ZCCHC2: variants seen among roughly 807,000 people sequenced by gnomAD.
The protein encoded by ZCCHC2 is zinc finger CCHC domain-containing protein 2.
ZCCHC2 carries 39 observed loss-of-function variants against 103.6 expected under a neutral mutation model. The ratio of observed to expected loss-of-function variants is 0.38; its 90% confidence interval spans 0.29 to 0.49. ZCCHC2 has a LOEUF of 0.49. Ranked by LOEUF, ZCCHC2 falls within the 20% of genes least tolerant of loss-of-function variation. ZCCHC2 has a pLI of 0.96. For synonymous variants in ZCCHC2, 687 were observed against 608.9 expected, an observed-to-expected ratio of 1.13 and a Z score of -1.89; for missense variants, 1,483 against 1,491.0, an observed-to-expected ratio of 0.99 and a Z score of 0.09.
chr18:62,542,642 C>A, intron 3 of ZCCHC2, 68 bp downstream of exon 3: 2 of 1,367,980 alleles, frequency 1.5e-6, no homozygotes, highest in South Asian at 1.3e-5. Flanking sequence ...AAACTTGTGG[C>A]AGGTTTGCTA....
intron 11 of ZCCHC2, among the ~76,000 whole-genome samples, chr18:62,568,209 T>C (rs1293075174): frequency 1.3e-5 from 2 of 152,150 alleles, no homozygotes; most frequent in African/African-American, 4.8e-5. Flanking sequence ...TTCCAGTATT[T>C]TTAGTGTTAG....
At chr18:62,544,937 C>A (rs551626492) in intron 4 of ZCCHC2, 64 bp downstream of exon 4, 1 of 1,312,724 alleles carries the variant, frequency 7.6e-7, no homozygotes. Context: ...GAAACCTCAA[C>A]GTCAAAAAAA....
chr18:62,551,075 TG>T (rs1416350922), intron 5 of ZCCHC2: 1 of 152,224 alleles, frequency 6.6e-6, no homozygotes, highest in East Asian at 1.9e-4. Context: ...GGGATGAGTG[TG>T]GATGTAGGGA....
intron 2 of ZCCHC2, among the ~76,000 whole-genome samples, chr18:62,541,899 CTG>C (rs1451865517): frequency 6.6e-6 from 1 of 152,052 alleles, no homozygotes; most frequent in African/African-American, 2.4e-5. Flanking sequence ...TATTTTATCT[CTG>C]TAATGTAAAA....
chr18:62,582,083 A>G (rs1283061715), downstream of ZCCHC2, among the ~76,000 whole-genome samples: 1 of 152,266 alleles, frequency 6.6e-6, no homozygotes, highest in African/African-American at 2.4e-5. Flanking sequence ...ATTTGTGGGT[A>G]CAGTAGATAA....
intron 4 of ZCCHC2, among the ~76,000 whole-genome samples, chr18:62,545,396 A>G (rs1020055053): frequency 2.6e-5 from 4 of 152,006 alleles, no homozygotes; most frequent in African/African-American, 9.7e-5. Flanking sequence ...ACTTCCCTGA[A>G]ATAGTTCTCC....
chr18:62,566,728 TC>T (rs1394560575), intron 11 of ZCCHC2, among the ~76,000 whole-genome samples: 3 of 152,184 alleles, frequency 2.0e-5, no homozygotes, highest in African/African-American at 7.2e-5. Context: ...AGTGTTGTGC[TC>T]CCCCAGTTTA....
rs1301814539 is a variant in ZCCHC2, at chr18:62,550,417, A to G, written c.1270A>G (p.Lys424Glu). 1 of 1,613,624 alleles carries G rather than the reference A, an allele frequency of 6.2e-7. No homozygotes were observed. The highest frequency in any genetic ancestry group is 1.3e-5 in the African/African-American group (1 of 74,904). ...AAGAGCCCTGAATCAGGGTTCCTTGAAAAGGGAGGAACGGCGACATCCTGA... is the reference window on the plus strand; with the variant it reads ...AAGAGCCCTGAATCAGGGTTCCTTGGAAAGGGAGGAACGGCGACATCCTGA... ...ILRALNQGSL[K>E]REERRHPDLE... Residue 424 changes from lysine (K) to glutamate (E), a missense_variant, in exon 5 of 14, where the codon AAA becomes GAA. Physicochemically the swap from Lys to Glu is moderately conservative, Grantham distance 56. Coordinates refer to ENST00000269499, the MANE Select transcript of ZCCHC2 (RefSeq NM_017742.6).
At chr18:62,532,639 C>T (rs980384866) in intron 1 of ZCCHC2, among the ~76,000 whole-genome samples, 4 of 152,150 alleles carry the variant, frequency 2.6e-5, no homozygotes, top group East Asian at 1.9e-4. Context: ...GAATTGTCCC[C>T]GTGGCAGTCT....
In ZCCHC2 at chr18:62,560,590, T is replaced by C. The variant is rs367672226; in HGVS notation, c.1496T>C (p.Val499Ala). ...GTTACTTTTTCCTCTCTTCTAGATG[T>C]GTTGCAGCATGCCATAATCCACAAG... is the stretch of plus-strand genomic sequence containing the variant. ...SSEASSQEED[V>A]LQHAIIHKKH... Residue 499 changes from valine (V) to alanine (A), a missense_variant, in exon 8 of 14, where the codon GTG becomes GCG. Around this residue, in one of 3 missense-constraint regions of ZCCHC2, gnomAD observed 884 missense variants for 907.5 expected, o/e 0.97. Transcript: ENST00000269499. The C allele has an allele frequency of 1.9e-6, 3 of 1,613,258 alleles. No individual in the cohort carries two copies. In the African/African-American group the frequency reaches 4.0e-5, roughly 22 times the overall value.
chr18:62,539,864 A>G (rs1915100132), intron 2 of ZCCHC2, 72 bp downstream of exon 2: 1 of 1,223,824 alleles, frequency 8.2e-7, no homozygotes, highest in South Asian at 1.3e-5. Flanking sequence ...TACGCTGATT[A>G]ACTCTAAACT....
At chr18:62,582,509 A>G (rs1421944939), downstream of ZCCHC2, among the ~76,000 whole-genome samples, 1 of 151,850 alleles carries the variant, frequency 6.6e-6, no homozygotes, top group African/African-American at 2.4e-5. Flanking sequence ...GAAACCCCGA[A>G]TCTACCAAAA....
At chr18:62,538,951 G>A (rs534629015) in intron 1 of ZCCHC2, among the ~76,000 whole-genome samples, 33 of 152,116 alleles carry the variant, frequency 2.2e-4, no homozygotes, top group African/African-American at 8.0e-4. Flanking sequence ...GAGGGGATAA[G>A]GTGCAAGCTG....
At chr18:62,559,130 G>T (rs1206940789) in intron 7 of ZCCHC2, among the ~76,000 whole-genome samples, 1 of 152,202 alleles carries the variant, frequency 6.6e-6, no homozygotes, top group Non-Finnish European at 1.5e-5. Flanking sequence ...TTTGGGAGGA[G>T]AAGCCTTTCT....
Position 62,523,375 on chromosome 18 carries a change from G to GGGGGGGGGCC in ZCCHC2, c.-49_-48insGGGGGGGCCG. ...CGCCTCGGCCCGTGCTCCACCTCGC[G>GGGGGGGGGCC]GCCCCTCCCGCCCGCCCCCGCTCGC... On this transcript the variant is annotated 5_prime_UTR_variant, in exon 1 of 14. Coordinates refer to ENST00000269499, the MANE Select transcript of ZCCHC2 (RefSeq NM_017742.6). The GGGGGGGGGCC allele has an allele frequency of 3.0e-6, 3 of 1,009,528 alleles. No homozygotes were observed. The highest frequency in any genetic ancestry group is 3.5e-6 in the Non-Finnish European group (3 of 847,960). 62.5% of individuals were successfully genotyped at this position (1,009,528 alleles called of 1,614,324 possible).
At chr18:62,567,467 G>A (rs148788238) in intron 11 of ZCCHC2, among the ~76,000 whole-genome samples, 81 of 152,288 alleles carry the variant, frequency 5.3e-4, no homozygotes, top group African/African-American at 1.9e-3. Context: ...ATCCATTTAT[G>A]TAGCTCAGAA....
At chr18:62,527,108 G>C (rs756844648) in intron 1 of ZCCHC2, 3 of 144,312 alleles carry the variant, frequency 2.1e-5, no homozygotes, top group Non-Finnish European at 4.5e-5. Flanking sequence ...GAAGCTCTTT[G>C]GTGTGCCAAA....
At chr18:62,528,807 TAAAATG>T (rs1022484884) in intron 1 of ZCCHC2, among the ~76,000 whole-genome samples, 3 of 151,982 alleles carry the variant, frequency 2.0e-5, no homozygotes, top group African/African-American at 7.3e-5. Flanking sequence ...GTAACTGACT[TAAAATG>T]AGAAGGAAAA....
intron 4 of ZCCHC2, among the ~76,000 whole-genome samples, chr18:62,545,696 G>A (rs2145501606): frequency 6.6e-6 from 1 of 152,284 alleles, no homozygotes; most frequent in Admixed American, 6.5e-5. Context: ...ATTGTTAGTA[G>A]AGAGATAAAG....
Sources: gnomAD v4.1 joint callset for allele counts (sites outside exome capture counted in the v4.1 genomes callset) on GRCh38, gnomAD v4.1.1 for gene constraint, gnomAD v4.1.1 regional missense constraint, MANE v1.5 for transcripts, NCBI Gene and HGNC (gene_info 2026-07-23, HGNC 2026-07-21) for gene names.